The following SNX31 variants were observed in gnomAD, a reference collection of about 807,000 sequenced individuals.
The protein encoded by SNX31 is sorting nexin 31, also known as sorting nexin-31.
In SNX31, 58 loss-of-function variants were observed where a neutral mutation model predicts 65.4. The observed-to-expected ratio is 0.89, with a 90% CI of 0.72 to 1.10. The LOEUF (loss-of-function observed/expected upper bound fraction) is 1.10. Ranked by LOEUF, SNX31 falls within the 50% of genes least tolerant of loss-of-function variation. SNX31 has a pLI of 0.00. For missense variants in SNX31, 523 were observed against 529.7 expected (o/e 0.99, Z 0.12); for synonymous variants, 181 against 190.1 (o/e 0.95, Z 0.39).
rs1814266930 is a variant in SNX31, at chr8:100,588,546, A to G, written c.1092+320T>C. 6.6e-6 allele frequency among the ~76,000 whole-genome samples: 1 copy of G among 152,214 alleles called. No individual in the cohort carries two copies. The highest frequency in any genetic ancestry group is 2.4e-5 in the African/African-American group (1 of 41,462). On this transcript the variant is annotated intron_variant, in intron 11 of 13. Coordinates refer to ENST00000311812, the MANE Select transcript of SNX31 (RefSeq NM_152628.4). This position sits in a 1 kb window ranked among gnomAD's most constrained non-coding sequence, Gnocchi z 4.8. Reference sequence around the variant, plus strand: ...TAACAGAGTTGAGCAGTTGCAACAGAGACTGTATGGATCTCAAATCCTAAA... The same window carrying G: ...TAACAGAGTTGAGCAGTTGCAACAGGGACTGTATGGATCTCAAATCCTAAA...
intron 1 of SNX31, chr8:100,657,798 G>T (rs147303659): frequency 0.024 from 10,994 of 455,200 alleles, 244 homozygotes; most frequent in East Asian, 0.1. Flanking sequence ...TTGAACCTGG[G>T]AGGCAGAGGT....
At chr8:100,641,591 TATATAC>T (rs1320837852) in intron 2 of SNX31, among the ~76,000 whole-genome samples, 1 of 22,768 alleles carries the variant, frequency 4.4e-5, no homozygotes, top group African/African-American at 3.8e-4. Context: ...TATATATATA[TATATAC>T]ACATACACAC....
In SNX31 at chr8:100,613,028, G is replaced by A. The variant is rs7001774; in HGVS notation, c.490C>T (p.Leu164Phe). Residue 164 changes from leucine to phenylalanine, a missense_variant, in exon 6 of 14, where the codon CTC (leucine) becomes TTC (phenylalanine). Coordinates refer to ENST00000311812, the MANE Select transcript of SNX31 (RefSeq NM_152628.4). The surrounding 1 kb of genome is among the most constrained non-coding windows in gnomAD (Gnocchi z 5.2). The stretch of plus-strand genomic sequence containing the variant: ...TTGCCCTCCTTGCCAAACCGAATGA[G>A]AAAGAGGCCGAAGTAGCCCAAGAGC... ...RELLGYFGLF[L>F]IRFGKEGKLS... The A allele has an allele frequency of 1.2e-6, 2 of 1,614,036 alleles. No individual in the cohort carries two copies. Among genetic ancestry groups the A allele is most frequent in the South Asian group, 1.1e-5 (1 of 91,074 alleles).
intron 4 of SNX31, among the ~76,000 whole-genome samples, chr8:100,627,608 C>T (rs1404439031): frequency 6.6e-6 from 1 of 152,150 alleles, no homozygotes; most frequent in Non-Finnish European, 1.5e-5. Context: ...GTGGCATGAT[C>T]TCAGCTCACT....
rs1478404601 is a variant in SNX31, at chr8:100,610,179, C to A, written c.612-1616G>T. 6.6e-6 allele frequency among the ~76,000 whole-genome samples: 1 copy of A among 152,172 alleles called. No homozygotes were observed. The highest frequency in any genetic ancestry group is 1.5e-5 in the Non-Finnish European group (1 of 68,032). On this transcript the variant is annotated intron_variant, in intron 7 of 13. Coordinates refer to ENST00000311812, the MANE Select transcript of SNX31 (RefSeq NM_152628.4). This position sits in a 1 kb window ranked among gnomAD's most constrained non-coding sequence, Gnocchi z 4.0. ...AATCTGCCTAGATCTGAGATGCTGGCTAATAATTTGGGGTAGACGTTTTCT... is the reference window on the plus strand; with the variant it reads ...AATCTGCCTAGATCTGAGATGCTGGATAATAATTTGGGGTAGACGTTTTCT...
intron 1 of SNX31, among the ~76,000 whole-genome samples, chr8:100,658,384 G>C (rs1587115666): frequency 6.6e-6 from 1 of 152,216 alleles, no homozygotes; most frequent in Non-Finnish European, 1.5e-5. Flanking sequence ...TTTCATTCAT[G>C]TGCAGAATGA....
upstream of SNX31, among the ~76,000 whole-genome samples, chr8:100,650,125 C>T (rs1819918386): frequency 6.6e-6 from 1 of 152,190 alleles, no homozygotes; most frequent in African/African-American, 2.4e-5. Context: ...CATTTTTAGA[C>T]AGGTGCATTC....
chr8:100,641,118 C>T (rs1025446808), intron 2 of SNX31, among the ~76,000 whole-genome samples: 12 of 152,088 alleles, frequency 7.9e-5, no homozygotes, highest in African/African-American at 2.9e-4. Context: ...AACTGATGTT[C>T]TGGCTTCTCT....
upstream of SNX31, among the ~76,000 whole-genome samples, chr8:100,650,945 C>T (rs570296119): frequency 4.0e-5 from 6 of 151,808 alleles, no homozygotes; most frequent in East Asian, 9.7e-4. Context: ...CTCTGCCTCC[C>T]GGGTTCAAGT....
intron 2 of SNX31, among the ~76,000 whole-genome samples, chr8:100,641,526 C>T (rs1382131121): frequency 8.9e-6 from 1 of 112,834 alleles, no homozygotes; most frequent in Non-Finnish European, 1.7e-5. Flanking sequence ...GCCTGGGCCA[C>T]TGGAGTGAGA....
intron 2 of SNX31, among the ~76,000 whole-genome samples, chr8:100,647,374 T>G (rs1819710067): frequency 6.6e-6 from 1 of 152,236 alleles, no homozygotes; most frequent in Admixed American, 6.5e-5. Context: ...ACAGACAATT[T>G]CTACTTCATG....
Position 100,661,869 on chromosome 8 carries a change from G to A in SNX31, c.-58+1273C>T, listed in dbSNP as rs111659643. 8.0e-3 allele frequency among the ~76,000 whole-genome samples: 1,218 copies of A among 152,170 alleles called. 26 individuals are homozygous for A. Among genetic ancestry groups the A allele is most frequent in the African/African-American group, 0.028 (1,173 of 41,512 alleles). On this transcript the variant is annotated intron_variant, in intron 1 of 5. Transcript: ENST00000520352. ...AGACAGAATCTTGCTCTGTTGCCCA[G>A]GCTGGAGTGCAGTGGCATGATCTTG... is the stretch of plus-strand genomic sequence containing the variant.
intron 12 of SNX31, among the ~76,000 whole-genome samples, chr8:100,580,183 T>G (rs1333437797): frequency 6.6e-6 from 1 of 151,740 alleles, no homozygotes; most frequent in Non-Finnish European, 1.5e-5. Context: ...AAAAACAGTC[T>G]TTTTAAGTCA....
At chr8:100,641,643 TA>T in intron 2 of SNX31, among the ~76,000 whole-genome samples, 1 of 44,792 alleles carries the variant, frequency 2.2e-5, no homozygotes, top group Admixed American at 3.0e-4. Flanking sequence ...TATATATATA[TA>T]TATATATATA....
intron 10 of SNX31, 28 bp downstream of exon 10, chr8:100,596,611 G>A: frequency 6.2e-7 from 1 of 1,601,052 alleles, no homozygotes; most frequent in Non-Finnish European, 8.6e-7. Flanking sequence ...TTTAAGTCAT[G>A]GGCAAAGCAA....
At chr8:100,585,927 GT>G (rs536663675) in intron 11 of SNX31, among the ~76,000 whole-genome samples, 2 of 151,148 alleles carry the variant, frequency 1.3e-5, no homozygotes, top group South Asian at 2.1e-4. Context: ...TCGAGTTGTT[GT>G]TTTTTTTTCT....
In SNX31 at chr8:100,613,545, C is replaced by A. The variant is rs1031290375; in HGVS notation, c.433-460G>T. ...CCCCGCCGCTTGGCTGGCATACAAA[C>A]GTGCATGCGCTACTGCCCACCTTTG... On this transcript the variant is annotated intron_variant, in intron 5 of 13. Coordinates refer to ENST00000311812, the MANE Select transcript of SNX31 (RefSeq NM_152628.4). The surrounding 1 kb of genome is among the most constrained non-coding windows in gnomAD (Gnocchi z 5.2). 6.6e-6 allele frequency among the ~76,000 whole-genome samples: 1 copy of A among 152,192 alleles called. No individual in the cohort carries two copies. Among genetic ancestry groups the A allele is most frequent in the African/African-American group, 2.4e-5 (1 of 41,444 alleles).
rs771972313 is a variant in SNX31, at chr8:100,645,762, A to G, written c.141+3512T>C. On this transcript the variant is annotated intron_variant, in intron 2 of 13. Transcript: ENST00000311812. ...GAATAGCTGGAATTACAGGAGCACC[A>G]CCATGCCTGGCTAATTTTTTGTATT... Among the ~76,000 whole-genome samples, 10 of 152,136 alleles carry G rather than the reference A, an allele frequency of 6.6e-5. No individual in the cohort carries two copies. The South Asian group carries it at 1.5e-3, about 22-fold the overall frequency.
At chr8:100,646,326 C>T (rs1013605576) in intron 2 of SNX31, among the ~76,000 whole-genome samples, 1 of 152,036 alleles carries the variant, frequency 6.6e-6, no homozygotes, top group Non-Finnish European at 1.5e-5. Context: ...AGACAGGTCA[C>T]GGGAAGAAGA....
Sources: allele counts gnomAD v4.1 joint callset (sites outside exome capture counted in the v4.1 genomes callset), GRCh38; gene constraint gnomAD v4.1.1; non-coding constraint Gnocchi (gnomAD v3.1); transcripts MANE v1.5; gene names NCBI Gene and HGNC (gene_info 2026-07-23, HGNC 2026-07-21).